The following TBC1D22A variants were observed in gnomAD, a reference collection of about 807,000 sequenced individuals.
TBC1D22A encodes putative GTPase activator.
TBC1D22A carries 38 observed loss-of-function variants against 60.2 expected under a neutral mutation model. The observed-to-expected ratio is 0.63, with a 90% CI of 0.49 to 0.83. The LOEUF (loss-of-function observed/expected upper bound fraction) is 0.83, where lower values mean the gene tolerates loss of function less well. Among genes scored for constraint, TBC1D22A ranks in the 40% least tolerant of loss-of-function variants. The pLI is 0.00. For missense variants in TBC1D22A, 628 were observed against 701.0 expected (o/e 0.90, Z 1.18); for synonymous variants, 302 against 281.7 (o/e 1.07, Z -0.72).
intron 4 of TBC1D22A, among the ~76,000 whole-genome samples, chr22:46,870,828 T>C (rs1322966616): frequency 6.6e-6 from 1 of 152,206 alleles, no homozygotes; most frequent in African/African-American, 2.4e-5. Context: ...CCTTTTATAA[T>C]GACCTTAATC....
chr22:46,871,899 C>T (rs570229863), intron 4 of TBC1D22A, among the ~76,000 whole-genome samples: 1 of 151,962 alleles, frequency 6.6e-6, no homozygotes, highest in South Asian at 2.1e-4. Context: ...TTTGAAGAGA[C>T]CCTTGAAAAA....
chr22:46,804,581 T>C (rs1436171501), intron 4 of TBC1D22A, among the ~76,000 whole-genome samples: 1 of 152,242 alleles, frequency 6.6e-6, no homozygotes, highest in Admixed American at 6.5e-5. Context: ...TTCACAGCAT[T>C]GCCGGCATCC....
intron 7 of TBC1D22A, among the ~76,000 whole-genome samples, chr22:46,906,692 C>T (rs1347237532): frequency 1.1e-4 from 16 of 152,134 alleles, no homozygotes; most frequent in Admixed American, 9.2e-4. Context: ...CTGCTCGCTC[C>T]GTTTCTCAGC....
At chr22:47,107,759 GAA>G (rs1000923983) in intron 11 of TBC1D22A, among the ~76,000 whole-genome samples, 11 of 152,330 alleles carry the variant, frequency 7.2e-5, no homozygotes, top group African/African-American at 2.4e-4. Context: ...TGAAAAAGAA[GAA>G]GACACAAGTG....
chr22:46,919,045 TGAAAGATTTTTA>T (rs1308868860), intron 8 of TBC1D22A, among the ~76,000 whole-genome samples: 1 of 152,196 alleles, frequency 6.6e-6, no homozygotes, highest in Non-Finnish European at 1.5e-5. Flanking sequence ...AGTGTAAAGT[TGAAAGATTTTTA>T]GAATATTTAG....
intron 12 of TBC1D22A, among the ~76,000 whole-genome samples, chr22:47,121,699 C>T (rs146897941): frequency 9.3e-4 from 140 of 151,278 alleles, no homozygotes; most frequent in African/African-American, 3.1e-3. Context: ...ATTTTATTTT[C>T]TTGTTTGAAA....
At chr22:47,099,981 C>G (rs574944144) in intron 11 of TBC1D22A, among the ~76,000 whole-genome samples, 13 of 152,156 alleles carry the variant, frequency 8.5e-5, no homozygotes, top group Non-Finnish European at 1.6e-4. Context: ...CGAGGTGGGG[C>G]GGCCTGGGGC....
chr22:46,900,046 C>G (rs2068900484), intron 7 of TBC1D22A, among the ~76,000 whole-genome samples: 1 of 151,738 alleles, frequency 6.6e-6, no homozygotes, highest in East Asian at 1.9e-4. Flanking sequence ...CTTCTTCCTC[C>G]TTTTCTCCTT....
At chr22:46,914,685 C>T (rs1007459025) in intron 8 of TBC1D22A, 7 of 152,678 alleles carry the variant, frequency 4.6e-5, no homozygotes, top group East Asian at 1.9e-4. Context: ...TGGTGCAGAG[C>T]GCTGCGGTGG....
At chr22:47,101,215 G>A (rs750958090) in intron 11 of TBC1D22A, among the ~76,000 whole-genome samples, 28 of 152,164 alleles carry the variant, frequency 1.8e-4, no homozygotes, top group Non-Finnish European at 3.4e-4. Context: ...TTCATCATTC[G>A]AGGGAATCCT....
intron 8 of TBC1D22A, among the ~76,000 whole-genome samples, chr22:46,971,031 C>T (rs950844080): frequency 2.6e-5 from 4 of 152,126 alleles, no homozygotes; most frequent in African/African-American, 4.8e-5. Flanking sequence ...CTTTCTCTGG[C>T]GGGGGATATT....
At chr22:46,810,380 C>T (rs924741128) in intron 4 of TBC1D22A, among the ~76,000 whole-genome samples, 4 of 151,912 alleles carry the variant, frequency 2.6e-5, no homozygotes, top group African/African-American at 9.7e-5. Flanking sequence ...TTTCTTACTC[C>T]ACCCCATTCT....
At chr22:46,927,706 A>T (rs2071127748) in intron 8 of TBC1D22A, among the ~76,000 whole-genome samples, 1 of 152,232 alleles carries the variant, frequency 6.6e-6, no homozygotes, top group Admixed American at 6.5e-5. Flanking sequence ...TCCACTAGAA[A>T]ACTATGAAAG....
At chr22:46,980,317 G>A (rs1172305697) in intron 9 of TBC1D22A, among the ~76,000 whole-genome samples, 1 of 152,180 alleles carries the variant, frequency 6.6e-6, no homozygotes, top group Non-Finnish European at 1.5e-5. Flanking sequence ...TGAGTGGCTA[G>A]GACTACAGGT....
In TBC1D22A at chr22:46,990,351, T is replaced by C. The variant is rs1347458849; in HGVS notation, c.1126-7283T>C. Among the ~76,000 whole-genome samples, 1 of 152,206 alleles carries C rather than the reference T, an allele frequency of 6.6e-6. No homozygotes were observed. Reference sequence around the variant, plus strand: ...TTTTCAATTAATGGAGTTTGGTTTTTTTAGAGCAGTTTTAGCTTTCCAGAA... The same window carrying C: ...TTTTCAATTAATGGAGTTTGGTTTTCTTAGAGCAGTTTTAGCTTTCCAGAA... On this transcript the variant is annotated intron_variant, in intron 9 of 12. Coordinates refer to ENST00000337137, the MANE Select transcript of TBC1D22A (RefSeq NM_014346.5). This position sits in a 1 kb window ranked among gnomAD's most constrained non-coding sequence, Gnocchi z 4.6.
In TBC1D22A at chr22:46,987,294, G is replaced by T. The variant is rs534321873; in HGVS notation, c.1126-10340G>T. On this transcript the variant is annotated intron_variant, in intron 9 of 12. Transcript: ENST00000337137. ...CCTCCTGAAAGAGCATGTGGGACAG[G>T]AGAGAATGTGGCCACTTTTGGAAAA... Among the ~76,000 whole-genome samples the T allele has an allele frequency of 1.6e-3, 242 of 152,282 alleles. 1 individual carries two copies. Among genetic ancestry groups the T allele is most frequent in the African/African-American group, 5.8e-3 (240 of 41,544 alleles).
chr22:47,049,986 A>G (rs1397351157), intron 11 of TBC1D22A, among the ~76,000 whole-genome samples: 1 of 152,240 alleles, frequency 6.6e-6, no homozygotes, highest in East Asian at 1.9e-4. Flanking sequence ...TTTGCCCTGC[A>G]GCCAGCAGTT....
intron 4 of TBC1D22A, among the ~76,000 whole-genome samples, chr22:46,819,509 C>T (rs2085739145): frequency 1.3e-5 from 2 of 152,100 alleles, no homozygotes; most frequent in African/African-American, 4.8e-5. Context: ...GGTTTTTTGT[C>T]ATTGGTTCTG....
intron 11 of TBC1D22A, among the ~76,000 whole-genome samples, chr22:47,072,470 C>T (rs1236949941): frequency 3.3e-5 from 5 of 152,238 alleles, no homozygotes; most frequent in East Asian, 1.9e-4. Flanking sequence ...CAGTCCCATC[C>T]GTGGAGTGGC....
Sources: gnomAD v4.1 joint callset for allele counts (sites outside exome capture counted in the v4.1 genomes callset) on GRCh38, gnomAD v4.1.1 for gene constraint, Gnocchi (gnomAD v3.1) non-coding constraint, MANE v1.5 for transcripts, NCBI Gene and HGNC (gene_info 2026-07-23, HGNC 2026-07-21) for gene names.